The following SPMIP2 variants were observed in gnomAD, a reference collection of about 807,000 sequenced individuals.
SPMIP2 encodes the protein protein SPMIP2.
At chr4:158,904,924 G>A in the SPMIP2 span, 2 of 160,922 alleles carry the variant, frequency 1.2e-5, no homozygotes, top group African/African-American at 4.8e-5. Flanking sequence ...TAATATTCCA[G>A]TAGGAAACTG....
the SPMIP2 span, among the ~76,000 whole-genome samples, chr4:159,033,306 G>A: frequency 1.3e-5 from 2 of 151,910 alleles, no homozygotes; most frequent in Non-Finnish European, 2.9e-5. Flanking sequence ...AAAGGGGGAG[G>A]GGGGAATGAA....
At chr4:159,078,907 C>T in the SPMIP2 span, among the ~76,000 whole-genome samples, 1 of 152,088 alleles carries the variant, frequency 6.6e-6, no homozygotes, top group Non-Finnish European at 1.5e-5. Context: ...CACTTGAGGT[C>T]AGGAGTTTGA....
At chr4:158,921,303 A>G in the SPMIP2 span, among the ~76,000 whole-genome samples, 1 of 152,146 alleles carries the variant, frequency 6.6e-6, no homozygotes, top group African/African-American at 2.4e-5. Context: ...TTAGCCAGCC[A>G]TGGTGGCATG....
chr4:158,969,400 T>TA, the SPMIP2 span, among the ~76,000 whole-genome samples: 2 of 152,140 alleles, frequency 1.3e-5, no homozygotes, highest in African/African-American at 2.4e-5. Flanking sequence ...CATTTTTTTT[T>TA]AAAGAATGTG....
chr4:159,080,785 A>G, the SPMIP2 span, among the ~76,000 whole-genome samples: 11 of 152,216 alleles, frequency 7.2e-5, no homozygotes, highest in East Asian at 7.7e-4. Flanking sequence ...GTGCAGTGGC[A>G]CGATCTCGGC....
At chr4:158,898,620 T>G in the SPMIP2 span, among the ~76,000 whole-genome samples, 3 of 152,278 alleles carry the variant, frequency 2.0e-5, no homozygotes, top group East Asian at 5.8e-4. Flanking sequence ...GGAGTTCACT[T>G]GTGATTTGGC....
the SPMIP2 span, among the ~76,000 whole-genome samples, chr4:158,991,665 A>T: frequency 2.0e-5 from 3 of 152,156 alleles, no homozygotes; most frequent in Non-Finnish European, 2.9e-5. Flanking sequence ...TCAGGTTTTC[A>T]CTTAGAACTA....
chr4:159,079,948 C>T, the SPMIP2 span, among the ~76,000 whole-genome samples: 16 of 152,138 alleles, frequency 1.1e-4, no homozygotes, highest in African/African-American at 3.6e-4. Context: ...TGAAGCACTT[C>T]TCTAGCATTT....
At chr4:158,914,105 G>T in the SPMIP2 span, among the ~76,000 whole-genome samples, 1 of 152,106 alleles carries the variant, frequency 6.6e-6, no homozygotes, top group Non-Finnish European at 1.5e-5. Context: ...TGATAGAGGC[G>T]TTTGGGATAA....
At chr4:158,905,105 CTGTT>C in the SPMIP2 span, 15 of 152,600 alleles carry the variant, frequency 9.8e-5, no homozygotes, top group African/African-American at 3.4e-4. Context: ...TTAGCAGTGA[CTGTT>C]TGACATAAAA....
At chr4:159,048,092 CTGTTT>C in the SPMIP2 span, among the ~76,000 whole-genome samples, 3 of 152,158 alleles carry the variant, frequency 2.0e-5, no homozygotes, top group Non-Finnish European at 2.9e-5. Flanking sequence ...TGTAAAGGTA[CTGTTT>C]TGCCTTTTTG....
the SPMIP2 span, among the ~76,000 whole-genome samples, chr4:159,080,363 C>T: frequency 6.6e-6 from 1 of 152,036 alleles, no homozygotes; most frequent in African/African-American, 2.4e-5. Flanking sequence ...ACTATGGGCA[C>T]AGGTTACCAC....
the SPMIP2 span, among the ~76,000 whole-genome samples, chr4:158,903,132 TCTC>T: frequency 6.6e-6 from 1 of 152,174 alleles, no homozygotes; most frequent in East Asian, 1.9e-4. Context: ...CCAAAGGGAA[TCTC>T]CTGGTCTGTG....
At chr4:159,027,275 G>A in the SPMIP2 span, among the ~76,000 whole-genome samples, 1 of 152,132 alleles carries the variant, frequency 6.6e-6, no homozygotes, top group Non-Finnish European at 1.5e-5. Flanking sequence ...CTAACTAGAT[G>A]TTTGGCAATT....
the SPMIP2 span, among the ~76,000 whole-genome samples, chr4:158,968,844 T>C: frequency 6.6e-6 from 1 of 152,212 alleles, no homozygotes; most frequent in African/African-American, 2.4e-5. Context: ...CAAGATTTCA[T>C]CAGAAGGCTG....
chr4:158,944,144 G>A, the SPMIP2 span, among the ~76,000 whole-genome samples: 12 of 151,916 alleles, frequency 7.9e-5, no homozygotes, highest in East Asian at 1.9e-4. Flanking sequence ...GTGAGCCAAC[G>A]CACCTGGCCA....
the SPMIP2 span, among the ~76,000 whole-genome samples, chr4:158,950,382 T>C: frequency 6.6e-6 from 1 of 152,226 alleles, no homozygotes; most frequent in Non-Finnish European, 1.5e-5. Context: ...CTTGAACTCA[T>C]TCAGCTTCTC....
the SPMIP2 span, among the ~76,000 whole-genome samples, chr4:158,969,807 T>C: frequency 2.0e-5 from 3 of 152,182 alleles, no homozygotes; most frequent in African/African-American, 2.4e-5. Flanking sequence ...GTTAGAGCTA[T>C]AAAAATCCAG....
At chr4:159,066,588 T>TA in the SPMIP2 span, among the ~76,000 whole-genome samples, 1 of 45,896 alleles carries the variant, frequency 2.2e-5, no homozygotes, top group African/African-American at 7.6e-5. Context: ...GTGTGTGTAT[T>TA]TTATATATAT....
Sources: gnomAD v4.1 joint callset for allele counts (sites outside exome capture counted in the v4.1 genomes callset) on GRCh38, gnomAD v4.1.1 for gene constraint, MANE v1.5 for transcripts, NCBI Gene and HGNC (gene_info 2026-07-23, HGNC 2026-07-21) for gene names.